The following POLI variants were observed in gnomAD, a reference collection of about 807,000 sequenced individuals.
POLI encodes DNA polymerase iota.
POLI carries 58 observed loss-of-function variants against 51.6 expected under a neutral mutation model. The observed-to-expected ratio is 1.12, with a 90% confidence interval of 0.91 to 1.40. The LOEUF (loss-of-function observed/expected upper bound fraction) is 1.40. POLI is among the 40% of genes most tolerant of loss of function. POLI has a pLI of 0.00. For missense variants in POLI, 921 were observed against 871.3 expected (o/e 1.06, Z -0.72); for synonymous variants, 322 against 299.7 (o/e 1.07, Z -0.77).
intron 7 of POLI, among the ~76,000 whole-genome samples, chr18:54,286,376 C>T (rs747909637): frequency 1.3e-5 from 2 of 152,024 alleles, no homozygotes; most frequent in Non-Finnish European, 2.9e-5. Context: ...AAGACATTTG[C>T]ATGAAACTCT....
chr18:54,314,170 T>G (rs1255739189), intron 3 of POLI, among the ~76,000 whole-genome samples: 1 of 152,136 alleles, frequency 6.6e-6, no homozygotes. Flanking sequence ...GGATGTTGAA[T>G]TTTGTCAAAA....
chr18:54,289,943 A>G (rs1471416801), intron 8 of POLI, among the ~76,000 whole-genome samples: 1 of 152,214 alleles, frequency 6.6e-6, no homozygotes, highest in Non-Finnish European at 1.5e-5. Flanking sequence ...CTAAAACACC[A>G]AAAGCAATGG....
intron 3 of POLI, among the ~76,000 whole-genome samples, chr18:54,318,029 A>G (rs2088756170): frequency 6.6e-6 from 1 of 152,132 alleles, no homozygotes; most frequent in East Asian, 1.9e-4. Flanking sequence ...TATGCATACC[A>G]CTTGAACCTG....
chr18:54,280,810 TCTGG>T lies in POLI; in HGVS notation c.704_707del (p.Ser235LeufsTer23). 6.2e-7 allele frequency: 1 copy of T among 1,613,834 alleles called. No homozygotes were observed. Among genetic ancestry groups the T allele is most frequent in the Non-Finnish European group, 8.5e-7 (1 of 1,179,760 alleles). On this transcript the variant is annotated frameshift_variant, in exon 5 of 10. Transcript: ENST00000579534. LOFTEE classifies it high-confidence loss of function. ...TAATAAACTGTTGGCAAAATTAGTT[TCTGG>T]TGTCTTTAAACCAAATCAACAAACA...
chr18:54,300,830 G>C (rs1464833418), downstream of POLI, among the ~76,000 whole-genome samples: 1 of 152,218 alleles, frequency 6.6e-6, no homozygotes, highest in African/African-American at 2.4e-5. Flanking sequence ...AAAACTGCTT[G>C]TTAGAGCAAA....
intron 1 of POLI, 52 bp from the exon 2 acceptor site, chr18:54,271,308 C>T (rs1327489375): frequency 8.4e-6 from 13 of 1,540,144 alleles, no homozygotes; most frequent in Non-Finnish European, 1.1e-5. Flanking sequence ...GTCAGTTGCT[C>T]AGAGATAATA....
rs1321388648 is a variant in POLI at position 54,274,027 on chromosome 18, C to T, written c.343C>T (p.Gln115Ter). 4 of 1,576,892 alleles carry T rather than the reference C, an allele frequency of 2.5e-6. No homozygotes were observed. Among genetic ancestry groups the T allele is most frequent in the Non-Finnish European group, 3.4e-6 (4 of 1,159,710 alleles). ...NVRDAKEKCP[Q>*]LVLVNGEDLT... Reference sequence around the variant, plus strand: ...CAGAGATGCAAAAGAAAAGTGTCCACAGTTGGTATTAGTTAATGGAGAAGA... The same window carrying T: ...CAGAGATGCAAAAGAAAAGTGTCCATAGTTGGTATTAGTTAATGGAGAAGA... Residue 115 changes from glutamine to a stop codon, truncating the protein, a stop_gained, in exon 3 of 10, where the codon CAG becomes TAG. Coordinates refer to ENST00000579534, the MANE Select transcript of POLI (RefSeq NM_007195.3). LOFTEE classifies it high-confidence loss of function.
In POLI at chr18:54,288,098, A is replaced by G. The variant is rs545189647; in HGVS notation, c.1198+687A>G. ...ATCATATGGTAACATGAACTGTTTA[A>G]GAAGCTGCCAACTTTTTTCCAAAGT... On this transcript the variant is annotated intron_variant, in intron 8 of 9. Coordinates refer to ENST00000579534, the MANE Select transcript of POLI (RefSeq NM_007195.3). Among the ~76,000 whole-genome samples, 15 of 152,378 alleles carry G rather than the reference A, an allele frequency of 9.8e-5. No homozygotes were observed. The South Asian group carries it at 3.1e-3, about 32-fold the overall frequency.
At chr18:54,308,425 C>A (rs1568159308) in intron 3 of POLI, among the ~76,000 whole-genome samples, 1 of 152,322 alleles carries the variant, frequency 6.6e-6, no homozygotes, top group East Asian at 1.9e-4. Flanking sequence ...TCTCTTCTGG[C>A]TTGTACAATT....
In POLI at chr18:54,297,226, A is replaced by G. The variant is rs894975323; in HGVS notation, c.*2759A>G. The G allele has an allele frequency of 3.0e-6, 3 of 983,770 alleles. No individual in the cohort carries two copies. In the African/African-American group the frequency reaches 5.3e-5, roughly 17 times the overall value. 60.9% of individuals were successfully genotyped at this position (983,770 alleles called of 1,614,324 possible). ...CTCCAGGGATAAACCCCATCTTTCAAGCTTGCTTCTTGCTTGATGCTTTCT... is the reference window on the plus strand; with the variant it reads ...CTCCAGGGATAAACCCCATCTTTCAGGCTTGCTTCTTGCTTGATGCTTTCT... On this transcript the variant is annotated 3_prime_UTR_variant, in exon 10 of 10. Coordinates refer to ENST00000579534, the MANE Select transcript of POLI (RefSeq NM_007195.3).
At chr18:54,285,521 AGTGTGTGTGT>A (rs61280100) in intron 7 of POLI, among the ~76,000 whole-genome samples, 79 of 144,756 alleles carry the variant, frequency 5.5e-4, no homozygotes, top group African/African-American at 1.5e-3. Flanking sequence ...AAATTACAGG[AGTGTGTGTGT>A]GTGTGTGTGT....
intron 3 of POLI, among the ~76,000 whole-genome samples, chr18:54,315,471 A>G (rs1218216386): frequency 6.6e-6 from 1 of 152,052 alleles, no homozygotes; most frequent in African/African-American, 2.4e-5. Context: ...ATAGATGTCT[A>G]TTAGGTCCAA....
chr18:54,290,795 CAG>C (rs1439030954), intron 8 of POLI, among the ~76,000 whole-genome samples: 1 of 152,056 alleles, frequency 6.6e-6, no homozygotes, highest in Non-Finnish European at 1.5e-5. Flanking sequence ...CACATGGACA[CAG>C]GGAGGAGAAC....
chr18:54,294,190 C>A lies in POLI; in HGVS notation c.1946C>A (p.Ser649Ter). The change falls in exon 10 of 10, where the codon TCA becomes TAA. Residue 649 changes from serine (S) to a stop codon, truncating the protein, a stop_gained. Transcript: ENST00000579534. LOFTEE classifies it low-confidence loss of function (END_TRUNC). ...CCTCAAGGATTCCACTTTACAAATT[C>A]AAACCCTGCTGTGTCTGCTTTTCAT... Reference protein sequence around the residue: ...KEPQGFHFTNSNPAVSAFHSF... With the variant: ...KEPQGFHFTN 1 of 1,613,188 alleles carries A rather than the reference C, an allele frequency of 6.2e-7. No individual in the cohort carries two copies. Among genetic ancestry groups the A allele is most frequent in the Non-Finnish European group, 8.5e-7 (1 of 1,179,370 alleles).
rs1459569776 is a variant in POLI at position 54,293,635 on chromosome 18, T to C, written c.1405-14T>C. 6 of 1,514,792 alleles carry C rather than the reference T, an allele frequency of 4.0e-6. No individual in the cohort carries two copies. Among genetic ancestry groups the C allele is most frequent in the African/African-American group, 1.4e-5 (1 of 71,580 alleles). 93.8% of individuals were successfully genotyped at this position (1,514,792 alleles called of 1,614,324 possible). A position where few individuals can be genotyped will look rare whatever the true frequency, so the allele number is the denominator to read the frequency against. Reference sequence around the variant, plus strand: ...ATCAGATATGTAAATTAGTCTGTTATTCTTGTGTTCTAGAAAATGAAAGAC... The same window carrying C: ...ATCAGATATGTAAATTAGTCTGTTACTCTTGTGTTCTAGAAAATGAAAGAC... On this transcript the variant is annotated splice_polypyrimidine_tract_variant and intron_variant, in intron 9 of 9. Transcript: ENST00000579534.
In POLI at chr18:54,294,959, T is replaced by C. The variant is rs1446536070; in HGVS notation, c.*492T>C. The C allele has an allele frequency of 1.0e-6, 1 of 984,148 alleles. No individual in the cohort carries two copies. Among genetic ancestry groups the C allele is most frequent in the East Asian group, 1.1e-4 (1 of 8,826 alleles). 61.0% of individuals were successfully genotyped at this position (984,148 alleles called of 1,614,324 possible). On this transcript the variant is annotated 3_prime_UTR_variant, in exon 10 of 10. Coordinates refer to ENST00000579534, the MANE Select transcript of POLI (RefSeq NM_007195.3). The stretch of plus-strand genomic sequence containing the variant: ...TACATTACATTTAGTATGTTGACTT[T>C]TAAAATACCAAAGCAATTTATATTC...
intron 3 of POLI, among the ~76,000 whole-genome samples, chr18:54,309,533 T>C (rs2088639058): frequency 6.6e-6 from 1 of 152,208 alleles, no homozygotes; most frequent in Admixed American, 6.5e-5. Flanking sequence ...CAAGTTAGGC[T>C]ACGTGGGTGT....
intron 1 of POLI, chr18:54,270,942 TG>T (rs2086977867): frequency 6.5e-6 from 1 of 154,330 alleles, no homozygotes; most frequent in South Asian, 2.0e-4. Context: ...TTTCAGTTTT[TG>T]TTGGTTTGTT....
chr18:54,276,212 T>TAA (rs572325782), intron 3 of POLI, among the ~76,000 whole-genome samples: 3 of 143,020 alleles, frequency 2.1e-5, no homozygotes, highest in South Asian at 4.4e-4. Flanking sequence ...CTACAAAAGT[T>TAA]AAAAAAAAAA....
Sources: gnomAD v4.1 joint callset for allele counts (sites outside exome capture counted in the v4.1 genomes callset) on GRCh38, gnomAD v4.1.1 for gene constraint, MANE v1.5 for transcripts, NCBI Gene and HGNC (gene_info 2026-07-23, HGNC 2026-07-21) for gene names.